SLIT3: variants seen among roughly 807,000 people sequenced by gnomAD.
The protein encoded by SLIT3 is slit homolog 3 protein.
Under a neutral mutation model 184.0 loss-of-function variants are expected in SLIT3, and 68 were observed. The ratio of observed to expected loss-of-function variants is 0.37; its 90% confidence interval spans 0.30 to 0.45. The LOEUF is 0.45. Ranked by LOEUF, SLIT3 falls within the 20% of genes least tolerant of loss-of-function variation. SLIT3 has a pLI of 1.00. For missense variants in SLIT3, 1,707 were observed against 2,026.0 expected (o/e 0.84, Z 3.02); for synonymous variants, 831 against 828.6 (o/e 1.00, Z -0.05).
At chr5:168,937,973 G>C (rs80293967) in intron 4 of SLIT3, among the ~76,000 whole-genome samples, 12,939 of 151,880 alleles carry the variant, frequency 0.085, 1,255 homozygotes, top group African/African-American at 0.24. Context: ...CAGAATGCAA[G>C]TATACAATGC....
rs143073890 is a variant in SLIT3 at position 169,013,712 on chromosome 5, C to T, written c.414-130376G>A. Among the ~76,000 whole-genome samples the T allele has an allele frequency of 9.4e-4, 143 of 152,290 alleles. 1 individual carries two copies. The highest frequency in any genetic ancestry group is 3.1e-3 in the African/African-American group (128 of 41,554). On this transcript the variant is annotated intron_variant, in intron 4 of 35. Coordinates refer to ENST00000519560, the MANE Select transcript of SLIT3 (RefSeq NM_003062.4). Reference sequence around the variant, plus strand: ...GCAGCCGGGGCCCCATGCAGCTCCTCGAAAGACAAATGTATTTTGAGCAGG... The same window carrying T: ...GCAGCCGGGGCCCCATGCAGCTCCTTGAAAGACAAATGTATTTTGAGCAGG...
chr5:168,720,563 G>A (rs1762911171), intron 23 of SLIT3: 1 of 152,258 alleles, frequency 6.6e-6, no homozygotes, highest in South Asian at 2.1e-4. Context: ...ACAATAGGTT[G>A]GGATTGAGGG....
At chr5:169,103,740 C>T (rs909605911) in intron 4 of SLIT3, among the ~76,000 whole-genome samples, 1 of 152,172 alleles carries the variant, frequency 6.6e-6, no homozygotes, top group Non-Finnish European at 1.5e-5. Flanking sequence ...CCCTCCCACC[C>T]ATCCCCATGT....
intron 4 of SLIT3, among the ~76,000 whole-genome samples, chr5:169,084,282 T>C (rs1759190620): frequency 6.6e-6 from 1 of 150,496 alleles, no homozygotes; most frequent in African/African-American, 2.5e-5. Flanking sequence ...ATGTTTCTTT[T>C]TCTTTTCTTT....
At chr5:169,082,139 A>C (rs559391034) in intron 4 of SLIT3, among the ~76,000 whole-genome samples, 9 of 152,074 alleles carry the variant, frequency 5.9e-5, no homozygotes, top group Admixed American at 5.9e-4. Context: ...CTTAGCAGGG[A>C]CTCCACAGGC....
chr5:169,251,761 G>A (rs1765781477), intron 1 of SLIT3, among the ~76,000 whole-genome samples: 1 of 152,120 alleles, frequency 6.6e-6, no homozygotes, highest in Admixed American at 6.5e-5. Flanking sequence ...TCATACAAAT[G>A]GGGCTGACCC....
intron 4 of SLIT3, among the ~76,000 whole-genome samples, chr5:168,917,583 G>C (rs970770445): frequency 2.0e-5 from 3 of 152,188 alleles, no homozygotes; most frequent in African/African-American, 7.2e-5. Context: ...GATGGCCACA[G>C]CCCTTCCCCC....
At chr5:168,871,897 G>A (rs7726804) in intron 5 of SLIT3, among the ~76,000 whole-genome samples, 2,200 of 152,296 alleles carry the variant, frequency 0.014, 53 homozygotes, top group African/African-American at 0.05. Context: ...CAGGCAGCCT[G>A]ACTCCAGAGT....
intron 4 of SLIT3, among the ~76,000 whole-genome samples, chr5:169,046,813 C>A (rs955026574): frequency 1.9e-4 from 29 of 152,248 alleles, no homozygotes; most frequent in South Asian, 1.0e-3. Flanking sequence ...AGAGATAATT[C>A]TTCTCCTCCC....
At chr5:168,933,633 C>A (rs943278977) in intron 4 of SLIT3, among the ~76,000 whole-genome samples, 1 of 152,100 alleles carries the variant, frequency 6.6e-6, no homozygotes, top group Non-Finnish European at 1.5e-5. Flanking sequence ...GAGCTGGGTA[C>A]CTTCTCCTAA....
chr5:168,991,648 C>T (rs1427231950), intron 4 of SLIT3, among the ~76,000 whole-genome samples: 1 of 152,230 alleles, frequency 6.6e-6, no homozygotes. Context: ...GGAAAGCCTC[C>T]CCCTTCTCTC....
At chr5:169,096,899 A>C (rs1287151054) in intron 4 of SLIT3, among the ~76,000 whole-genome samples, 1 of 152,226 alleles carries the variant, frequency 6.6e-6, no homozygotes, top group African/African-American at 2.4e-5. Context: ...CTGCATTTTT[A>C]ACCACTATAT....
intron 34 of SLIT3, among the ~76,000 whole-genome samples, chr5:168,670,750 C>G (rs1475775265): frequency 1.3e-5 from 2 of 152,114 alleles, no homozygotes; most frequent in African/African-American, 4.8e-5. Context: ...ACTGGATCTC[C>G]TATATTTAGC....
chr5:168,716,824 G>A (rs1302836006), intron 23 of SLIT3, among the ~76,000 whole-genome samples: 1 of 150,984 alleles, frequency 6.6e-6, no homozygotes, highest in Non-Finnish European at 1.5e-5. Context: ...ACAGATGCTA[G>A]CCTGCGATGG....
chr5:168,671,547 G>A, intron 33 of SLIT3, 64 bp from the exon 34 acceptor site: 1 of 1,515,324 alleles, frequency 6.6e-7, no homozygotes, highest in Non-Finnish European at 8.9e-7. Flanking sequence ...TGTCCTCAGA[G>A]CGAAAAAGCA....
At chr5:169,162,429 A>T (rs950616591) in intron 4 of SLIT3, among the ~76,000 whole-genome samples, 2 of 152,226 alleles carry the variant, frequency 1.3e-5, no homozygotes, top group Non-Finnish European at 2.9e-5. Context: ...TATCAGCACA[A>T]AGTGAACATG....
intron 1 of SLIT3, among the ~76,000 whole-genome samples, chr5:169,268,200 G>A (rs1766464296): frequency 1.3e-5 from 2 of 151,604 alleles, no homozygotes; most frequent in Admixed American, 6.6e-5. Flanking sequence ...TAACGTTAAG[G>A]TCTGTTGCGA....
intron 4 of SLIT3, among the ~76,000 whole-genome samples, chr5:169,188,839 G>A (rs1763447373): frequency 6.6e-6 from 1 of 152,202 alleles, no homozygotes; most frequent in Non-Finnish European, 1.5e-5. Context: ...AGACAAGAGA[G>A]GTTAAGTAAC....
chr5:169,140,381 G>A (rs1308408419), intron 4 of SLIT3, among the ~76,000 whole-genome samples: 8 of 142,576 alleles, frequency 5.6e-5, no homozygotes, highest in Non-Finnish European at 9.1e-5. Context: ...CTCGGAGGCT[G>A]AGACAGCAGA....
Sources: gnomAD v4.1 joint callset for allele counts (sites outside exome capture counted in the v4.1 genomes callset) on GRCh38, gnomAD v4.1.1 for gene constraint, MANE v1.5 for transcripts, NCBI Gene and HGNC (gene_info 2026-07-23, HGNC 2026-07-21) for gene names.